Variants in SCO1 observed in about 807,000 individuals in gnomAD.
SCO1 encodes synthesis of cytochrome C oxidase 1.
In SCO1, 23 loss-of-function variants were observed where a neutral mutation model predicts 34.0. The observed-to-expected ratio is 0.68, with a 90% CI of 0.49 to 0.96. The LOEUF (loss-of-function observed/expected upper bound fraction) is 0.96. Among genes scored for constraint, SCO1 ranks in the 40% least tolerant of loss-of-function variants. The pLI is 0.00. For missense variants in SCO1, 404 were observed against 381.6 expected (o/e 1.06, Z -0.49); for synonymous variants, 161 against 145.5 (o/e 1.11, Z -0.77).
At chr17:10,686,030 C>T (rs572685416) in intron 5 of SCO1, among the ~76,000 whole-genome samples, 6 of 152,036 alleles carry the variant, frequency 3.9e-5, no homozygotes, top group Non-Finnish European at 8.8e-5. Flanking sequence ...GTCAGGAATT[C>T]GAGACCCCCT....
chr17:10,686,626 A>G (rs529786790), intron 5 of SCO1, 101 bp downstream of exon 5: 15 of 798,144 alleles, frequency 1.9e-5, no homozygotes, highest in Admixed American at 6.9e-5. Context: ...CAATAATCTT[A>G]GGTATTCTCT....
rs1177906716 is a variant in SCO1, at chr17:10,675,002, C to G, written c.*6117G>C. The G allele has an allele frequency of 6.6e-6, 1 of 152,362 alleles. No homozygotes were observed. The highest frequency in any genetic ancestry group is 1.5e-5 in the Non-Finnish European group (1 of 68,152). 9.4% of individuals were successfully genotyped at this position (152,362 alleles called of 1,614,324 possible). A position where few individuals can be genotyped will look rare whatever the true frequency, so the allele number is the denominator to read the frequency against. ...GCAGCCAACAAGGAATGTGCCCACT[C>G]TCCCCTTCAGTTTGCTCCTCCTCAG... is the stretch of plus-strand genomic sequence containing the variant. On this transcript the variant is annotated 3_prime_UTR_variant, in exon 6 of 6. Coordinates refer to ENST00000255390, the MANE Select transcript of SCO1 (RefSeq NM_004589.4).
At position 10,691,984 on chromosome 17, in the gene SCO1, A is replaced by C; in HGVS notation, c.563-20T>G. 1 of 1,537,220 alleles carries C rather than the reference A, an allele frequency of 6.5e-7. No homozygotes were observed. The highest frequency in any genetic ancestry group is 9.0e-7 in the Non-Finnish European group (1 of 1,110,314). ...TGCTATCTGAAAGAGAGTTCCAATT[A>C]GTCCGTATTCACACCCTAAGGGAAA... On this transcript the variant is annotated intron_variant, in intron 3 of 5. Coordinates refer to ENST00000255390, the MANE Select transcript of SCO1 (RefSeq NM_004589.4).
In SCO1 at chr17:10,697,434, C is replaced by A. The variant is rs1331552555; in HGVS notation, c.74G>T (p.Arg25Leu). 1 of 1,612,094 alleles carries A rather than the reference C, an allele frequency of 6.2e-7. No homozygotes were observed. The highest frequency in any genetic ancestry group is 8.5e-7 in the Non-Finnish European group (1 of 1,179,432). Residue 25 changes from arginine (R) to leucine (L), a missense_variant, in exon 1 of 6, where the codon CGC (arginine) becomes CTC (leucine). Arg to Leu is a moderately radical substitution (Grantham distance 102). Coordinates refer to ENST00000255390, the MANE Select transcript of SCO1 (RefSeq NM_004589.4). ...GGCTGGGCCCCAAAACTCGAGTCCG[C>A]GAGGCAAGAAGCGCCAAAGTTGGCC... The part of the protein sequence containing the change: ...LGGQLWRFLP[R>L]GLEFWGPAEG...
chr17:10,693,034 A>G (rs1460725919), intron 2 of SCO1, 73 bp from the exon 3 acceptor site: 2 of 1,285,494 alleles, frequency 1.6e-6, no homozygotes, highest in South Asian at 1.2e-5. Flanking sequence ...TACCTGACAT[A>G]TGGCCCGTAC....
At chr17:10,685,376 T>C (rs1000123198) in intron 5 of SCO1, among the ~76,000 whole-genome samples, 4 of 152,188 alleles carry the variant, frequency 2.6e-5, no homozygotes, top group African/African-American at 9.7e-5. Flanking sequence ...CTTCATATGA[T>C]AGGAGAAAAA....
Position 10,680,925 on chromosome 17 carries a change from A to C in SCO1, c.*194T>G. 1.5e-6 allele frequency: 1 copy of C among 667,632 alleles called. No homozygotes were observed. The highest frequency in any genetic ancestry group is 1.8e-5 in the South Asian group (1 of 55,900). The allele number at this position is 667,632 out of a possible 1,614,324, so 41.4% of individuals were successfully genotyped here. ...AGCTTCCTGGGAGACTTTGGGTTGT[A>C]ATCTTTACAGTTCCAAGAATCAATT... On this transcript the variant is annotated 3_prime_UTR_variant, in exon 6 of 6. Coordinates refer to ENST00000255390, the MANE Select transcript of SCO1 (RefSeq NM_004589.4).
chr17:10,694,664 A>AT (rs1002352361), intron 2 of SCO1, among the ~76,000 whole-genome samples: 1 of 152,212 alleles, frequency 6.6e-6, no homozygotes, highest in Non-Finnish European at 1.5e-5. Context: ...TTAATAATAC[A>AT]TTTTTTAAAT....
chr17:10,686,916 T>C, intron 4 of SCO1, 74 bp from the exon 5 acceptor site: 2 of 965,346 alleles, frequency 2.1e-6, no homozygotes, highest in Non-Finnish European at 1.7e-6. Context: ...AAAAAATGTA[T>C]CAGTTGTAAA....
intron 3 of SCO1, 35 bp from the exon 4 acceptor site, chr17:10,691,999 C>A (rs774714460): frequency 7.0e-7 from 1 of 1,437,468 alleles, no homozygotes; most frequent in Non-Finnish European, 9.8e-7. Context: ...GTATTCACAC[C>A]CTAAGGGAAA....
intron 5 of SCO1, 65 bp from the exon 6 acceptor site, chr17:10,681,318 G>A: frequency 1.3e-6 from 2 of 1,530,288 alleles, no homozygotes; most frequent in Admixed American, 1.7e-5. Flanking sequence ...TTTACTGAAT[G>A]TATGCTGCAA....
chr17:10,693,981 T>C (rs1196924803), intron 2 of SCO1, among the ~76,000 whole-genome samples: 7 of 152,192 alleles, frequency 4.6e-5, no homozygotes, highest in African/African-American at 1.4e-4. Context: ...CGTATGTCAA[T>C]ACAAATCATG....
chr17:10,693,020 C>A, intron 2 of SCO1, 59 bp from the exon 3 acceptor site: 1 of 1,436,086 alleles, frequency 7.0e-7, no homozygotes, highest in South Asian at 1.1e-5. Context: ...CAGAGGTACT[C>A]AAATACCTGA....
intron 2 of SCO1, among the ~76,000 whole-genome samples, chr17:10,694,212 G>C (rs1158650521): frequency 3.9e-5 from 6 of 152,148 alleles, no homozygotes; most frequent in Admixed American, 3.9e-4. Context: ...CAAGCTAAGG[G>C]GCATTCTACA....
intron 4 of SCO1, among the ~76,000 whole-genome samples, chr17:10,688,911 T>A (rs1178041974): frequency 7.1e-6 from 1 of 140,666 alleles, no homozygotes; most frequent in Non-Finnish European, 1.5e-5. Context: ...GGTCAGGAGA[T>A]CGAGACCATC....
intron 2 of SCO1, among the ~76,000 whole-genome samples, chr17:10,693,747 T>C (rs541898392): frequency 1.3e-5 from 2 of 152,220 alleles, no homozygotes; most frequent in Admixed American, 1.3e-4. Flanking sequence ...GGCTGGAACC[T>C]CTTGTTGTGG....
intron 4 of SCO1, among the ~76,000 whole-genome samples, chr17:10,689,541 A>G (rs542744607): frequency 6.6e-6 from 1 of 152,320 alleles, no homozygotes; most frequent in East Asian, 1.9e-4. Flanking sequence ...GTCTAGAGAA[A>G]TTAAACTTGC....
rs1010563065 is a variant in SCO1, at chr17:10,674,020, C to G, written c.*7099G>C. 3 of 152,188 alleles carry G rather than the reference C, an allele frequency of 2.0e-5. No homozygotes were observed. The highest frequency in any genetic ancestry group is 7.2e-5 in the African/African-American group (3 of 41,444). 9.4% of individuals were successfully genotyped at this position (152,188 alleles called of 1,614,324 possible). ...TACTTAATTCATTATTCTTTCTTGA[C>G]TTTTTCCCCTTCCCTATTGGGTAAA... On this transcript the variant is annotated 3_prime_UTR_variant, in exon 6 of 6. Coordinates refer to ENST00000255390, the MANE Select transcript of SCO1 (RefSeq NM_004589.4).
chr17:10,686,669 T>C (rs1023565195), intron 5 of SCO1, 58 bp downstream of exon 5: 2 of 994,782 alleles, frequency 2.0e-6, no homozygotes, highest in Admixed American at 1.7e-5. Context: ...TTGAAAGCCT[T>C]ATGACTATTT....
Sources: allele counts gnomAD v4.1 joint callset (sites outside exome capture counted in the v4.1 genomes callset), GRCh38; gene constraint gnomAD v4.1.1; transcripts MANE v1.5; gene names NCBI Gene and HGNC (gene_info 2026-07-23, HGNC 2026-07-21).